The following INTS4 variants were observed in gnomAD, a reference collection of about 807,000 sequenced individuals.
INTS4 encodes the protein integrator complex subunit 4, also known as MSTP093.
Under a neutral mutation model 119.5 loss-of-function variants are expected in INTS4, and 70 were observed. The ratio of observed to expected loss-of-function variants is 0.59; its 90% CI spans 0.48 to 0.71. INTS4 has a LOEUF of 0.71. Among genes scored for constraint, INTS4 ranks in the 30% least tolerant of loss-of-function variants. INTS4 has a pLI of 0.00. For synonymous variants in INTS4, 316 were observed against 419.6 expected (o/e 0.75, Z 3.02); for missense variants, 867 against 1,173.2 (o/e 0.74, Z 3.81).
rs1952818090 is a variant in INTS4 at position 77,902,817 on chromosome 11, C to T, written c.2097+723G>A. Among the ~76,000 whole-genome samples the T allele has an allele frequency of 1.3e-5, 2 of 152,164 alleles. 1 individual carries two copies. Among genetic ancestry groups the T allele is most frequent in the Admixed American group, 1.3e-4 (2 of 15,256 alleles). ...TGACTCAAAGCTAAAAAGAAATAAACTAGAGACAAATAAAATTAAAGCCTA... is the reference window on the plus strand; with the variant it reads ...TGACTCAAAGCTAAAAAGAAATAAATTAGAGACAAATAAAATTAAAGCCTA... On this transcript the variant is annotated intron_variant, in intron 17 of 22. Transcript: ENST00000534064.
chr11:77,961,156 A>G lies in INTS4; in HGVS notation c.472-18T>C, dbSNP rs781111176. On this transcript the variant is annotated intron_variant, in intron 4 of 22. Transcript: ENST00000534064. ...GTCAGATGCTATTAAAAAAAAAAAA[A>G]AAAAGAAAAAAAGAAAAAGAAAAAA... 10 of 1,537,288 alleles carry G rather than the reference A, an allele frequency of 6.5e-6. No homozygotes were observed. The East Asian group carries it at 1.1e-4, about 18-fold the overall frequency.
At chr11:77,936,681 G>T (rs1431340162) in intron 10 of INTS4, among the ~76,000 whole-genome samples, 4 of 152,072 alleles carry the variant, frequency 2.6e-5, no homozygotes, top group Admixed American at 2.6e-4. Flanking sequence ...ATTAACATCA[G>T]ATTATATCTT....
At chr11:77,979,694 A>C (rs1029754675) in intron 3 of INTS4, among the ~76,000 whole-genome samples, 4 of 151,312 alleles carry the variant, frequency 2.6e-5, no homozygotes. Context: ...AAAAAAAAAA[A>C]GGCCAGGCAC....
At chr11:77,937,785 C>T (rs1166751330) in intron 10 of INTS4, among the ~76,000 whole-genome samples, 3 of 151,736 alleles carry the variant, frequency 2.0e-5, no homozygotes, top group Non-Finnish European at 4.4e-5. Flanking sequence ...ACTTATTAAT[C>T]TAGAATTGTA....
intron 8 of INTS4, among the ~76,000 whole-genome samples, chr11:77,955,494 GC>G (rs1179877527): frequency 1.3e-5 from 2 of 149,994 alleles, no homozygotes; most frequent in African/African-American, 4.9e-5. Flanking sequence ...TATAATCCCA[GC>G]CTTTTTTTTT....
chr11:77,991,215 T>G lies in INTS4; in HGVS notation c.139A>C (p.Thr47Pro), dbSNP rs757775650. Residue 47 changes from threonine (T) to proline (P), a missense_variant, in exon 2 of 23, where the codon ACC becomes CCC. Physicochemically the swap from Thr to Pro is conservative, Grantham distance 38. Coordinates refer to ENST00000534064, the MANE Select transcript of INTS4 (RefSeq NM_033547.4). ...TATTGCAAAGCATCTGCTGGGGAGG[T>G]AGCTTTACACAGATCTATGTGGAGT... ...AALHIDLCKATSPADALQYLL... is the reference protein window; with the variant it reads ...AALHIDLCKAPSPADALQYLL... 1 of 1,614,066 alleles carries G rather than the reference T, an allele frequency of 6.2e-7. No individual in the cohort carries two copies.
At chr11:77,896,808 GA>G (rs557401311) in intron 18 of INTS4, among the ~76,000 whole-genome samples, 67 of 142,448 alleles carry the variant, frequency 4.7e-4, no homozygotes, top group African/African-American at 5.4e-4. Context: ...AATAATGGAG[GA>G]AAAAAAAAAA....
At chr11:77,929,465 C>T (rs746253492) in intron 10 of INTS4, among the ~76,000 whole-genome samples, 6 of 152,192 alleles carry the variant, frequency 3.9e-5, no homozygotes, top group Admixed American at 2.6e-4. Context: ...AATTGTCTTA[C>T]TTATCTCAGT....
downstream of INTS4, among the ~76,000 whole-genome samples, chr11:77,878,367 A>C (rs1372969226): frequency 2.0e-5 from 3 of 152,096 alleles, no homozygotes; most frequent in African/African-American, 4.8e-5. Context: ...ATCTCAAAAA[A>C]AAAAAAAAAA....
chr11:77,901,912 C>CA (rs1312541097), intron 17 of INTS4, among the ~76,000 whole-genome samples: 5 of 151,846 alleles, frequency 3.3e-5, no homozygotes, highest in Admixed American at 2.0e-4. Flanking sequence ...ACCCAATCCC[C>CA]ACAAAGTCCT....
intron 8 of INTS4, among the ~76,000 whole-genome samples, chr11:77,946,638 G>A (rs1954054131): frequency 6.6e-6 from 1 of 151,980 alleles, no homozygotes. Context: ...GCATGCGCCT[G>A]TAGTCCTAGC....
intron 2 of INTS4, among the ~76,000 whole-genome samples, chr11:77,985,056 A>T (rs183895443): frequency 6.6e-5 from 10 of 152,262 alleles, no homozygotes; most frequent in African/African-American, 2.4e-4. Flanking sequence ...TCTCCTTCAC[A>T]CCTGAGCTAA....
intron 9 of INTS4, among the ~76,000 whole-genome samples, chr11:77,940,490 G>GGCT (rs1417796049): frequency 6.6e-6 from 1 of 152,052 alleles, no homozygotes; most frequent in African/African-American, 2.4e-5. Flanking sequence ...TTTGGAGAAA[G>GGCT]GCTTTACTCA....
At position 77,994,514 on chromosome 11, in the gene INTS4, T is replaced by C; in HGVS notation, c.54+76A>G. The C allele has an allele frequency of 3.4e-6, 4 of 1,190,162 alleles. No individual in the cohort carries two copies. The South Asian group carries it at 4.8e-5, about 14-fold the overall frequency. The allele number at this position is 1,190,162 out of a possible 1,614,324, so 73.7% of individuals were successfully genotyped here. ...ACACGGGCGTATGGAGCCTCTTCTG[T>C]TCCGGCAAAGTGCCTGGGATTTGGA... is the stretch of plus-strand genomic sequence containing the variant. On this transcript the variant is annotated intron_variant, in intron 1 of 22. Transcript: ENST00000534064.
intron 22 of INTS4, among the ~76,000 whole-genome samples, chr11:77,881,107 G>A (rs1951776214): frequency 6.6e-6 from 1 of 152,160 alleles, no homozygotes; most frequent in Admixed American, 6.5e-5. Context: ...ACAAGAAGGA[G>A]GGGAACTTGG....
intron 4 of INTS4, among the ~76,000 whole-genome samples, chr11:77,967,021 T>C (rs1855532053): frequency 6.6e-6 from 1 of 152,180 alleles, no homozygotes; most frequent in Non-Finnish European, 1.5e-5. Context: ...TTTTTGGCAA[T>C]AGCTATCCTA....
chr11:77,910,344 C>CA (rs1446609693), intron 15 of INTS4, among the ~76,000 whole-genome samples: 3 of 147,320 alleles, frequency 2.0e-5, no homozygotes, highest in Non-Finnish European at 4.4e-5. Context: ...ATCACAAGGA[C>CA]AAAAAACCAA....
At chr11:77,919,439 C>A (rs1418079974) in intron 14 of INTS4, among the ~76,000 whole-genome samples, 1 of 151,958 alleles carries the variant, frequency 6.6e-6, no homozygotes, top group Non-Finnish European at 1.5e-5. Flanking sequence ...GGTGGCCGCC[C>A]CCACACCCAG....
intron 14 of INTS4, among the ~76,000 whole-genome samples, chr11:77,920,722 G>A (rs1397685256): frequency 6.6e-6 from 1 of 151,688 alleles, no homozygotes; most frequent in Admixed American, 6.6e-5. Flanking sequence ...CGTGGTGGCA[G>A]GCGCCTGTAG....
Sources: gnomAD v4.1 joint callset for allele counts (sites outside exome capture counted in the v4.1 genomes callset) on GRCh38, gnomAD v4.1.1 for gene constraint, MANE v1.5 for transcripts, NCBI Gene and HGNC (gene_info 2026-07-23, HGNC 2026-07-21) for gene names.